Variants in VPS13B observed in about 807,000 individuals in gnomAD.
The protein encoded by VPS13B is intermembrane lipid transfer protein VPS13B.
In VPS13B, 285 loss-of-function variants were observed where a neutral mutation model predicts 426.4. That is an observed-to-expected ratio of 0.67 (90% confidence interval 0.61 to 0.74). VPS13B has a LOEUF of 0.74. VPS13B is among the 30% of genes least tolerant of loss of function. The pLI is 0.00. For synonymous variants in VPS13B, 1,676 were observed against 1,676.4 expected (o/e 1.00, Z 0.01); for missense variants, 4,537 against 4,782.6 (o/e 0.95, Z 1.51).
intron 59 of VPS13B, among the ~76,000 whole-genome samples, chr8:99,868,785 A>G (rs1817238619): frequency 6.6e-6 from 1 of 152,350 alleles, no homozygotes; most frequent in Admixed American, 6.5e-5. Context: ...ACTTTTTCCT[A>G]TGATAAATGT....
At chr8:99,207,034 G>A (rs1217560325) in intron 17 of VPS13B, among the ~76,000 whole-genome samples, 3 of 152,082 alleles carry the variant, frequency 2.0e-5, no homozygotes, top group Non-Finnish European at 4.4e-5. Context: ...GGAGTAAAAA[G>A]ACATTAATTT....
At chr8:99,778,553 AATTT>A in intron 41 of VPS13B, 125 bp from the exon 42 acceptor site, 1 of 830,612 alleles carries the variant, frequency 1.2e-6, no homozygotes, top group East Asian at 2.7e-5. Context: ...AAATAATTTG[AATTT>A]ATTAAACACC....
At chr8:99,129,339 T>C (rs1809623127) in intron 8 of VPS13B, among the ~76,000 whole-genome samples, 2 of 151,524 alleles carry the variant, frequency 1.3e-5, no homozygotes, top group Admixed American at 1.3e-4. Flanking sequence ...ATGTTGTCAG[T>C]TTTTTTAATA....
intron 17 of VPS13B, among the ~76,000 whole-genome samples, chr8:99,247,869 A>G (rs1044989335): frequency 1.3e-5 from 2 of 152,216 alleles, no homozygotes; most frequent in African/African-American, 4.8e-5. Flanking sequence ...TGCTGACGGC[A>G]GTCCAAATGG....
chr8:99,419,217 C>T (rs1816243981), intron 21 of VPS13B, among the ~76,000 whole-genome samples: 1 of 152,180 alleles, frequency 6.6e-6, no homozygotes, highest in African/African-American at 2.4e-5. Flanking sequence ...CACTTCCTCA[C>T]TCCCTATCTC....
At chr8:99,125,127 T>C (rs1056904777) in intron 8 of VPS13B, among the ~76,000 whole-genome samples, 7 of 152,086 alleles carry the variant, frequency 4.6e-5, no homozygotes, top group African/African-American at 1.7e-4. Context: ...GTCTGCAAGT[T>C]GAGGAGCAAG....
In VPS13B at chr8:99,211,734, G is replaced by A. The variant is rs187782853; in HGVS notation, c.2515+18677G>A. ...GGTGGTTGCAGTGAGCCAAGATCGC[G>A]CCACTGCACTCCAGCCTGGCGACAG... On this transcript the variant is annotated intron_variant, in intron 17 of 61. Transcript: ENST00000357162. Among the ~76,000 whole-genome samples, 961 of 151,992 alleles carry A rather than the reference G, an allele frequency of 6.3e-3. 8 individuals are homozygous for A. Among genetic ancestry groups the A allele is most frequent in the African/African-American group, 0.022 (893 of 41,430 alleles).
At chr8:99,846,600 A>C (rs1382212022) in intron 54 of VPS13B, among the ~76,000 whole-genome samples, 2 of 152,234 alleles carry the variant, frequency 1.3e-5, no homozygotes, top group East Asian at 1.9e-4. Flanking sequence ...AGACAAGGAT[A>C]GACTAAAGTC....
At chr8:99,820,724 G>GAC (rs933863957) in intron 49 of VPS13B, among the ~76,000 whole-genome samples, 4 of 151,998 alleles carry the variant, frequency 2.6e-5, no homozygotes, top group African/African-American at 4.8e-5. Context: ...ATTTCAAGAA[G>GAC]ACACACAAAT....
At chr8:99,576,882 G>T (rs989754087) in intron 32 of VPS13B, among the ~76,000 whole-genome samples, 4 of 152,120 alleles carry the variant, frequency 2.6e-5, no homozygotes, top group African/African-American at 9.7e-5. Flanking sequence ...AATTAGTCTA[G>T]CTGTCTTTAG....
chr8:99,414,930 T>G (rs556271613), intron 21 of VPS13B, among the ~76,000 whole-genome samples: 1 of 152,254 alleles, frequency 6.6e-6, no homozygotes, highest in East Asian at 1.9e-4. Flanking sequence ...TTCTCTGTAT[T>G]TCCTGCATTT....
chr8:99,753,688 C>T (rs1810504074), intron 39 of VPS13B, among the ~76,000 whole-genome samples: 1 of 152,032 alleles, frequency 6.6e-6, no homozygotes, highest in South Asian at 2.1e-4. Flanking sequence ...TTTGAAAAAC[C>T]AACCCAAACA....
At chr8:99,780,532 G>A (rs938447109) in intron 42 of VPS13B, among the ~76,000 whole-genome samples, 1 of 152,058 alleles carries the variant, frequency 6.6e-6, no homozygotes, top group Non-Finnish European at 1.5e-5. Context: ...CTAACATAGT[G>A]CCTTGAAGGA....
At chr8:99,482,138 TC>T in intron 25 of VPS13B, among the ~76,000 whole-genome samples, 1 of 152,248 alleles carries the variant, frequency 6.6e-6, no homozygotes, top group Non-Finnish European at 1.5e-5. Flanking sequence ...CTACCTCTGT[TC>T]CGCTACACCT....
chr8:99,389,915 G>A (rs3105179), intron 20 of VPS13B, among the ~76,000 whole-genome samples: 3 of 151,700 alleles, frequency 2.0e-5, no homozygotes, highest in Admixed American at 2.0e-4. Context: ...CCCTCCTTAT[G>A]TTTTAGATGA....
intron 40 of VPS13B, among the ~76,000 whole-genome samples, chr8:99,767,490 T>C (rs368935810): frequency 3.8e-5 from 3 of 79,766 alleles, no homozygotes; most frequent in African/African-American, 1.5e-4. Flanking sequence ...AGTGCAACTC[T>C]CTCAAAAAAA....
chr8:99,101,750 T>C (rs1346877949), intron 4 of VPS13B, among the ~76,000 whole-genome samples: 1 of 152,232 alleles, frequency 6.6e-6, no homozygotes, highest in African/African-American at 2.4e-5. Context: ...TTGCACACGT[T>C]ATGGTTGAAT....
intron 25 of VPS13B, among the ~76,000 whole-genome samples, chr8:99,482,995 G>A (rs1167508604): frequency 6.6e-6 from 1 of 151,984 alleles, no homozygotes; most frequent in Non-Finnish European, 1.5e-5. Context: ...AGAAGTTAAC[G>A]TTTTTTTGTT....
chr8:99,850,625 CTT>C (rs1816242408), intron 55 of VPS13B, among the ~76,000 whole-genome samples: 1 of 152,088 alleles, frequency 6.6e-6, no homozygotes. Context: ...TTAAATCTTT[CTT>C]TTAAAAAGCT....
Sources: allele counts gnomAD v4.1 joint callset (sites outside exome capture counted in the v4.1 genomes callset), GRCh38; gene constraint gnomAD v4.1.1; transcripts MANE v1.5; gene names NCBI Gene and HGNC (gene_info 2026-07-23, HGNC 2026-07-21).